ACAN: variants seen among roughly 807,000 people sequenced by gnomAD.
ACAN encodes the protein aggrecan core protein.
In ACAN, 47 loss-of-function variants were observed where a neutral mutation model predicts 169.1. That is an observed-to-expected ratio of 0.28 (90% CI 0.22 to 0.35). ACAN has a LOEUF of 0.35. ACAN is among the 10% of genes least tolerant of loss of function. The pLI is 1.00. For synonymous variants in ACAN, 1,115 were observed against 1,112.2 expected, an observed-to-expected ratio of 1.00 and a Z score of -0.05; for missense variants, 2,716 against 2,759.9, an observed-to-expected ratio of 0.98 and a Z score of 0.36.
rs112678888 is a variant in ACAN at position 88,868,589 on chromosome 15, C to G, written c.7060+260C>G. 0.013 allele frequency among the ~76,000 whole-genome samples: 1,965 copies of G among 152,310 alleles called. 43 individuals carry two copies. Among genetic ancestry groups the G allele is most frequent in the African/African-American group, 0.044 (1,841 of 41,552 alleles). On this transcript the variant is annotated intron_variant, in intron 14 of 18. Transcript: ENST00000560601. This position sits in a 1 kb window ranked among gnomAD's most constrained non-coding sequence, Gnocchi z 5.2. ...GCTTCCAGATCTACTGATGCCACCA[C>G]CGAGGTTGGTGTATGGTTCAGACTA...
intron 11 of ACAN, among the ~76,000 whole-genome samples, chr15:88,852,903 G>A (rs947403634): frequency 2.0e-5 from 3 of 152,170 alleles, no homozygotes; most frequent in Admixed American, 1.3e-4. Flanking sequence ...GAGTATATCC[G>A]AGCTCCCACT....
At chr15:88,840,553 T>C (rs1403435856) in intron 4 of ACAN, among the ~76,000 whole-genome samples, 2 of 152,140 alleles carry the variant, frequency 1.3e-5, no homozygotes, top group African/African-American at 4.8e-5. Flanking sequence ...AAGTTATAAA[T>C]TGAACCCCTT....
chr15:88,854,004 G>C (rs1896992345), intron 11 of ACAN, among the ~76,000 whole-genome samples: 1 of 152,112 alleles, frequency 6.6e-6, no homozygotes, highest in African/African-American at 2.4e-5. Flanking sequence ...GTACATACAA[G>C]GTTAAAATGC....
chr15:88,867,421 G>A (rs982682921), intron 13 of ACAN, among the ~76,000 whole-genome samples: 1 of 152,186 alleles, frequency 6.6e-6, no homozygotes, highest in Non-Finnish European at 1.5e-5. Flanking sequence ...CCGAACGCTT[G>A]TCTCCCACTG....
rs74030530 is a variant in ACAN at position 88,874,079 on chromosome 15, G to A, written c.7630+55G>A. ...CACAGGGTTAGATTCTGCCAGCACA[G>A]CCTTCCCCCCGTCCCCTCTCCTGGG... On this transcript the variant is annotated intron_variant, in intron 18 of 18. Coordinates refer to ENST00000560601, the MANE Select transcript of ACAN (RefSeq NM_001369268.1). The surrounding 1 kb of genome is among the most constrained non-coding windows in gnomAD (Gnocchi z 7.3). The A allele has an allele frequency of 3.9e-3, 6,152 of 1,593,526 alleles. 205 individuals carry two copies. The African/African-American group carries it at 0.071, about 18-fold the overall frequency.
chr15:88,862,669 C>G (rs1211509638), intron 13 of ACAN, among the ~76,000 whole-genome samples: 1 of 152,140 alleles, frequency 6.6e-6, no homozygotes, highest in African/African-American at 2.4e-5. Flanking sequence ...CCACGATTGT[C>G]TTGCACCACA....
Position 88,870,793 on chromosome 15 carries a change from A to G in ACAN, c.7061-589A>G, listed in dbSNP as rs1010654319. 5.9e-5 allele frequency among the ~76,000 whole-genome samples: 9 copies of G among 152,164 alleles called. No homozygotes were observed. Among genetic ancestry groups the G allele is most frequent in the Non-Finnish European group, 1.3e-4 (9 of 68,032 alleles). ...TCTGACCCCTGCAAGAGGCAGGCAC[A>G]GTGTGCTTAACTAAAGCCAACTCTG... is the stretch of plus-strand genomic sequence containing the variant. On this transcript the variant is annotated intron_variant, in intron 14 of 18. Transcript: ENST00000560601. This position sits in a 1 kb window ranked among gnomAD's most constrained non-coding sequence, Gnocchi z 6.3.
chr15:88,821,488 C>T (rs1896074720), intron 1 of ACAN, among the ~76,000 whole-genome samples: 1 of 152,162 alleles, frequency 6.6e-6, no homozygotes, highest in Non-Finnish European at 1.5e-5. Context: ...CACAGTGAGC[C>T]CCTGGGGGTA....
chr15:88,854,261 G>A (rs926881941), intron 11 of ACAN, among the ~76,000 whole-genome samples: 6 of 152,192 alleles, frequency 3.9e-5, no homozygotes, highest in Non-Finnish European at 7.3e-5. Flanking sequence ...ATCACAAGGA[G>A]GGCTTGCTAA....
In ACAN at chr15:88,874,480, G is replaced by A. The variant is rs1245498923; in HGVS notation, c.7706G>A (p.Ter2569=). The A allele has an allele frequency of 3.1e-6, 5 of 1,599,496 alleles. 1 individual carries two copies. In the South Asian group the frequency reaches 3.4e-5, roughly 11 times the overall value. The stretch of plus-strand genomic sequence containing the variant: ...AGGAGCCGCCCCAGCACAGCCCACT[G>A]AGAAGAGCTTCCAGGACGCACCCAG... ...PRRSRPSTAH[*] The change falls in exon 19 of 19, where the codon TGA becomes TAA. Residue 2569 remains the stop codon, a stop_retained_variant. Coordinates refer to ENST00000560601, the MANE Select transcript of ACAN (RefSeq NM_001369268.1). This position sits in a 1 kb window ranked among gnomAD's most constrained non-coding sequence, Gnocchi z 7.3.
chr15:88,875,346 G>A lies in ACAN; in HGVS notation c.*865G>A, dbSNP rs1897488559. 6.7e-6 allele frequency: 1 copy of A among 149,936 alleles called. No homozygotes were observed. The highest frequency in any genetic ancestry group is 2.5e-5 in the African/African-American group (1 of 40,578). The allele number at this position is 149,936 out of a possible 1,614,324, so 9.3% of individuals were successfully genotyped here. On this transcript the variant is annotated 3_prime_UTR_variant, in exon 19 of 19. Coordinates refer to ENST00000560601, the MANE Select transcript of ACAN (RefSeq NM_001369268.1). This position sits in a 1 kb window ranked among gnomAD's most constrained non-coding sequence, Gnocchi z 4.8. ...ATATTATAATAATAATAAAGACATTGGAAGAGATCTATCTCTTTTCTTTTC... is the reference window on the plus strand; with the variant it reads ...ATATTATAATAATAATAAAGACATTAGAAGAGATCTATCTCTTTTCTTTTC...
rs1259291657 is a variant in ACAN at position 88,868,218 on chromosome 15, A to C, written c.6949A>C (p.Ile2317Leu). 1 of 702,476 alleles carries C rather than the reference A, an allele frequency of 1.4e-6. No individual in the cohort carries two copies. Among genetic ancestry groups the C allele is most frequent in the South Asian group, 1.5e-5 (1 of 67,536 alleles). 43.5% of individuals were successfully genotyped at this position (702,476 alleles called of 1,614,324 possible). A position where few individuals can be genotyped will look rare whatever the true frequency, so the allele number is the denominator to read the frequency against. ...TGGTGGCCCTTGGTTTCTTGCAGACATTGATGAGTGCCTCTCAAGCCCTTG... is the reference window on the plus strand; with the variant it reads ...TGGTGGCCCTTGGTTTCTTGCAGACCTTGATGAGTGCCTCTCAAGCCCTTG... ...GYTGEHCNIDIDECLSSPCLN... is the reference protein window; with the variant it reads ...GYTGEHCNIDLDECLSSPCLN... Residue 2317 changes from isoleucine to leucine, a missense_variant and splice_region_variant, in exon 14 of 19, where the codon ATT becomes CTT. By Grantham distance (5) the Ile-to-Leu change is conservative. This residue lies in a region of ACAN where 1,389 missense variants were observed against 1,363.7 expected (regional missense o/e 1.02). Transcript: ENST00000560601. This position sits in a 1 kb window ranked among gnomAD's most constrained non-coding sequence, Gnocchi z 5.2.
intron 2 of ACAN, among the ~76,000 whole-genome samples, chr15:88,837,540 C>T (rs1235673539): frequency 1.3e-5 from 2 of 152,184 alleles, no homozygotes; most frequent in East Asian, 1.9e-4. Context: ...GGGTGGTCCG[C>T]CCACACAGGG....
At position 88,840,974 on chromosome 15, in the gene ACAN, C is replaced by G. The variant is rs1469772438; in HGVS notation, c.630-766C>G. On this transcript the variant is annotated intron_variant, in intron 4 of 18. Coordinates refer to ENST00000560601, the MANE Select transcript of ACAN (RefSeq NM_001369268.1). ...CCTAGCTAACATGGTGAAACCCCAT[C>G]TCTACTAAAAAATACAAAAAATTAG... Among the ~76,000 whole-genome samples the G allele has an allele frequency of 5.3e-5, 8 of 151,962 alleles. No individual in the cohort carries two copies. In the South Asian group the frequency reaches 1.2e-3, roughly 24 times the overall value.
intron 4 of ACAN, among the ~76,000 whole-genome samples, chr15:88,840,887 G>C (rs531917024): frequency 6.6e-6 from 1 of 152,204 alleles, no homozygotes; most frequent in Admixed American, 6.5e-5. Context: ...GCTCATGCCT[G>C]TAATCCCAGC....
intron 11 of ACAN, among the ~76,000 whole-genome samples, chr15:88,854,310 C>T (rs1896998710): frequency 6.6e-6 from 1 of 152,110 alleles, no homozygotes; most frequent in Admixed American, 6.5e-5. Context: ...GTTGCTGAAT[C>T]AGTGGGGCTG....
intron 1 of ACAN, among the ~76,000 whole-genome samples, chr15:88,811,432 T>C (rs1596111166): frequency 6.6e-6 from 1 of 152,200 alleles, no homozygotes; most frequent in East Asian, 1.9e-4. Context: ...CTTAAAATCC[T>C]AAATCTCAAA....
At chr15:88,829,715 A>C (rs992206962) in intron 1 of ACAN, among the ~76,000 whole-genome samples, 2 of 152,238 alleles carry the variant, frequency 1.3e-5, no homozygotes, top group African/African-American at 4.8e-5. Flanking sequence ...GACTTAAGTC[A>C]GGGACACAGA....
At chr15:88,863,958 G>T (rs1897243394) in intron 13 of ACAN, among the ~76,000 whole-genome samples, 1 of 152,314 alleles carries the variant, frequency 6.6e-6, no homozygotes, top group Admixed American at 6.5e-5. Context: ...GATCACTTGA[G>T]CCCAGGAGTT....
Sources: gnomAD v4.1 joint callset for allele counts (sites outside exome capture counted in the v4.1 genomes callset) on GRCh38, gnomAD v4.1.1 for gene constraint, gnomAD v4.1.1 regional missense constraint, Gnocchi (gnomAD v3.1) non-coding constraint, MANE v1.5 for transcripts, NCBI Gene and HGNC (gene_info 2026-07-23, HGNC 2026-07-21) for gene names.